BBS9: variants seen among roughly 807,000 people sequenced by gnomAD.
BBS9 encodes Bardet-Biedl syndrome 9.
In BBS9, 89 loss-of-function variants were observed where a neutral mutation model predicts 117.7. That is an observed-to-expected ratio of 0.76 (90% CI 0.64 to 0.90). The LOEUF is 0.90. BBS9 is among the 40% of genes least tolerant of loss of function. The probability of loss-of-function intolerance (pLI) is 0.00; values close to 1 mark genes in which losing one functional copy is unlikely to be tolerated. For synonymous variants in BBS9, 379 were observed against 370.9 expected (o/e 1.02, Z -0.25); for missense variants, 982 against 1,042.2 (o/e 0.94, Z 0.80).
chr7:33,262,779 A>G (rs1353664441), intron 6 of BBS9, among the ~76,000 whole-genome samples: 3 of 152,142 alleles, frequency 2.0e-5, no homozygotes, highest in Non-Finnish European at 4.4e-5. Flanking sequence ...TTGATTTGCC[A>G]TAATGCCTTC....
intron 19 of BBS9, among the ~76,000 whole-genome samples, chr7:33,435,631 A>G (rs1480150617): frequency 6.6e-6 from 1 of 152,194 alleles, no homozygotes; most frequent in East Asian, 1.9e-4. Flanking sequence ...AATACCAAGC[A>G]TAGTATGTGG....
intron 5 of BBS9, among the ~76,000 whole-genome samples, chr7:33,246,696 G>A (rs1444943517): frequency 6.6e-6 from 1 of 151,962 alleles, no homozygotes; most frequent in Admixed American, 6.6e-5. Flanking sequence ...AAAGTACACG[G>A]GTTCTTCTGT....
chr7:33,624,153 C>T (rs1159541224), intron 21 of BBS9, among the ~76,000 whole-genome samples: 1 of 152,090 alleles, frequency 6.6e-6, no homozygotes, highest in Non-Finnish European at 1.5e-5. Context: ...GTATCTTGGC[C>T]AAAAGAGCTT....
chr7:33,191,498 C>T (rs981208704), intron 5 of BBS9, among the ~76,000 whole-genome samples: 7 of 152,152 alleles, frequency 4.6e-5, no homozygotes, highest in African/African-American at 1.7e-4. Flanking sequence ...CCTAGGACCT[C>T]CCTGTGGTAC....
chr7:33,447,087 A>G (rs1837105096), intron 19 of BBS9, among the ~76,000 whole-genome samples: 1 of 152,266 alleles, frequency 6.6e-6, no homozygotes, highest in Non-Finnish European at 1.5e-5. Flanking sequence ...AAGGCCATGC[A>G]AGTATTTTTA....
intron 19 of BBS9, among the ~76,000 whole-genome samples, chr7:33,488,732 G>C (rs1423063590): frequency 6.6e-6 from 1 of 152,128 alleles, no homozygotes; most frequent in Non-Finnish European, 1.5e-5. Flanking sequence ...GTAAATAAAT[G>C]ACCATAGTGT....
chr7:33,430,915 A>G (rs189043306), intron 19 of BBS9, among the ~76,000 whole-genome samples: 138 of 152,046 alleles, frequency 9.1e-4, no homozygotes, highest in Non-Finnish European at 1.4e-3. Flanking sequence ...CTGGCCTGGC[A>G]TGGTGGCTCA....
chr7:33,350,832 C>T (rs1298651462), intron 13 of BBS9, among the ~76,000 whole-genome samples: 1 of 152,310 alleles, frequency 6.6e-6, no homozygotes, highest in East Asian at 1.9e-4. Flanking sequence ...CAAACTCCAC[C>T]TTCCAGGTGT....
intron 4 of BBS9, among the ~76,000 whole-genome samples, chr7:33,164,262 A>G (rs1432735669): frequency 1.3e-5 from 2 of 152,146 alleles, no homozygotes; most frequent in Admixed American, 6.5e-5. Flanking sequence ...CATGTGGTCA[A>G]TTTTTGAATA....
chr7:33,469,563 A>T (rs1480205337), intron 19 of BBS9, among the ~76,000 whole-genome samples: 3 of 152,170 alleles, frequency 2.0e-5, no homozygotes, highest in South Asian at 2.1e-4. Context: ...TTTAACTAAG[A>T]TGCAGAATGA....
intron 21 of BBS9, among the ~76,000 whole-genome samples, chr7:33,585,103 T>C (rs1277884192): frequency 6.6e-6 from 1 of 152,134 alleles, no homozygotes; most frequent in East Asian, 1.9e-4. Context: ...TTCTCTCCTT[T>C]GTAATTATAT....
intron 21 of BBS9, among the ~76,000 whole-genome samples, chr7:33,620,148 A>C (rs1865333232): frequency 6.6e-6 from 1 of 152,030 alleles, no homozygotes; most frequent in African/African-American, 2.4e-5. Flanking sequence ...AGGAAGAGAC[A>C]TTACAACCTC....
At chr7:33,445,183 A>G (rs548663976) in intron 19 of BBS9, among the ~76,000 whole-genome samples, 10 of 152,306 alleles carry the variant, frequency 6.6e-5, no homozygotes, top group Admixed American at 2.0e-4. Flanking sequence ...ATCCTGTAGG[A>G]GGAAGCAGAG....
chr7:33,243,631 T>C (rs929366539), intron 5 of BBS9, among the ~76,000 whole-genome samples: 3 of 152,184 alleles, frequency 2.0e-5, no homozygotes, highest in African/African-American at 7.2e-5. Flanking sequence ...TTTCTTTTGT[T>C]CCTGGAAGAG....
intron 21 of BBS9, among the ~76,000 whole-genome samples, chr7:33,624,408 C>A (rs745464189): frequency 1.2e-4 from 18 of 152,268 alleles, no homozygotes; most frequent in Non-Finnish European, 2.5e-4. Context: ...GAAAATTTTG[C>A]AGCTGTTAAC....
At chr7:33,532,189 A>G (rs934397957) in intron 20 of BBS9, among the ~76,000 whole-genome samples, 2 of 152,360 alleles carry the variant, frequency 1.3e-5, no homozygotes, top group East Asian at 3.9e-4. Context: ...GGAGTTGGCC[A>G]GCTAAAGAAT....
In BBS9 at chr7:33,408,333, C is replaced by G. The variant is rs1584708935; in HGVS notation, c.2115+20189C>G. Among the ~76,000 whole-genome samples, 3 of 152,138 alleles carry G rather than the reference C, an allele frequency of 2.0e-5. No individual in the cohort carries two copies. In the South Asian group the frequency reaches 6.2e-4, roughly 32 times the overall value. On this transcript the variant is annotated intron_variant, in intron 19 of 22. Coordinates refer to ENST00000242067, the MANE Select transcript of BBS9 (RefSeq NM_198428.3). ...GGGAGTGGCCTGATTTTCCAGGTGC[C>G]GTCTGTCACCCCTTTCCTTGACCAG...
chr7:33,389,962 T>C (rs1245947469), intron 19 of BBS9, among the ~76,000 whole-genome samples: 3 of 152,198 alleles, frequency 2.0e-5, no homozygotes, highest in Non-Finnish European at 4.4e-5. Flanking sequence ...TCCACAAATA[T>C]AGACTGCCAA....
chr7:33,476,141 C>T (rs1039867490), intron 19 of BBS9, among the ~76,000 whole-genome samples: 1 of 151,996 alleles, frequency 6.6e-6, no homozygotes, highest in Non-Finnish European at 1.5e-5. Flanking sequence ...TTCTGTTAGT[C>T]TTTCAAAAAG....
Sources: gnomAD v4.1 joint callset for allele counts (sites outside exome capture counted in the v4.1 genomes callset) on GRCh38, gnomAD v4.1.1 for gene constraint, MANE v1.5 for transcripts, NCBI Gene and HGNC (gene_info 2026-07-23, HGNC 2026-07-21) for gene names.